EXOC4: variants seen among roughly 807,000 people sequenced by gnomAD.
The protein encoded by EXOC4 is exocyst complex component 4, also known as SEC8-like 1.
EXOC4 carries 71 observed loss-of-function variants against 107.2 expected under a neutral mutation model. That is an observed-to-expected ratio of 0.66 (90% CI 0.55 to 0.81). The LOEUF (loss-of-function observed/expected upper bound fraction) is 0.81. Ranked by LOEUF, EXOC4 falls within the 30% of genes least tolerant of loss-of-function variation. The pLI is 0.00. For synonymous variants in EXOC4, 456 were observed against 441.2 expected, an observed-to-expected ratio of 1.03 and a Z score of -0.42; for missense variants, 1,108 against 1,189.6, an observed-to-expected ratio of 0.93 and a Z score of 1.01.
intron 7 of EXOC4, among the ~76,000 whole-genome samples, chr7:133,470,577 A>G (rs866756118): frequency 5.9e-5 from 9 of 152,244 alleles, no homozygotes; most frequent in Middle Eastern, 6.8e-3. Flanking sequence ...GTGCTTTCCA[A>G]CTGTTTTGTT....
intron 7 of EXOC4, among the ~76,000 whole-genome samples, chr7:133,446,919 A>G (rs1563069371): frequency 6.6e-6 from 1 of 152,222 alleles, no homozygotes; most frequent in Non-Finnish European, 1.5e-5. Context: ...GCTTTAATCT[A>G]CAATATGCAT....
chr7:133,702,867 A>G (rs1165893709), intron 10 of EXOC4, among the ~76,000 whole-genome samples: 5 of 152,208 alleles, frequency 3.3e-5, no homozygotes, highest in South Asian at 2.1e-4. Context: ...TATTTGCACC[A>G]TGTTGTCTGT....
At chr7:133,894,424 C>G (rs975343469) in intron 11 of EXOC4, among the ~76,000 whole-genome samples, 1 of 143,838 alleles carries the variant, frequency 7.0e-6, no homozygotes, top group African/African-American at 2.7e-5. Context: ...CTTCCTCTCT[C>G]AGCTCGTCAA....
chr7:133,909,919 A>T (rs1799651548), intron 12 of EXOC4, among the ~76,000 whole-genome samples: 3 of 75,494 alleles, frequency 4.0e-5, no homozygotes, highest in African/African-American at 1.1e-4. Flanking sequence ...GTTGAGACAG[A>T]TTTTTTTTTT....
chr7:133,774,037 G>T (rs749575792), intron 10 of EXOC4, among the ~76,000 whole-genome samples: 14 of 152,082 alleles, frequency 9.2e-5, no homozygotes, highest in Non-Finnish European at 1.8e-4. Flanking sequence ...AGGATATGGT[G>T]TGTGGTACTG....
At chr7:133,558,274 G>C (rs553698845) in intron 9 of EXOC4, among the ~76,000 whole-genome samples, 2 of 91,704 alleles carry the variant, frequency 2.2e-5, no homozygotes, top group East Asian at 4.7e-4. Context: ...AGCACTTTTT[G>C]CCCTGTAATC....
rs148895377 is a variant in EXOC4, at chr7:133,689,477, C to T, written c.1514+59336C>T. Reference sequence around the variant, plus strand: ...AGCCAAGGATATGGATGTGGCTCACCGTATGGAAAATTACTAAGAAGAAAC... The same window carrying T: ...AGCCAAGGATATGGATGTGGCTCACTGTATGGAAAATTACTAAGAAGAAAC... On this transcript the variant is annotated intron_variant, in intron 10 of 17. Transcript: ENST00000253861. Among the ~76,000 whole-genome samples, 1,096 of 152,180 alleles carry T rather than the reference C, an allele frequency of 7.2e-3. 8 individuals are homozygous for T. Among genetic ancestry groups the T allele is most frequent in the African/African-American group, 0.022 (898 of 41,514 alleles).
intron 10 of EXOC4, among the ~76,000 whole-genome samples, chr7:133,704,996 AT>A (rs1272579224): frequency 6.6e-6 from 1 of 152,266 alleles, no homozygotes; most frequent in East Asian, 1.9e-4. Context: ...ATATGATTTT[AT>A]TTTCTTTCCG....
chr7:133,911,053 G>T (rs1260526368), intron 12 of EXOC4, among the ~76,000 whole-genome samples: 1 of 152,120 alleles, frequency 6.6e-6, no homozygotes, highest in East Asian at 1.9e-4. Context: ...CTCGAGGGTG[G>T]ACCTTTCTCT....
chr7:133,872,901 G>T (rs1439980306), intron 11 of EXOC4, among the ~76,000 whole-genome samples: 2 of 152,188 alleles, frequency 1.3e-5, no homozygotes. Context: ...GTCTTTGTAT[G>T]TTTTCTTTCC....
rs200499348 is a variant in EXOC4, at chr7:133,650,937, G to GTTTTTTTTTTTTTTTTT, written c.1514+20805_1514+20821dup. Among the ~76,000 whole-genome samples the GTTTTTTTTTTTTTTTTT allele has an allele frequency of 1.0e-4, 9 of 88,708 alleles. 1 individual carries two copies. The highest frequency in any genetic ancestry group is 4.8e-4 in the South Asian group (1 of 2,074). 58.2% of individuals were successfully genotyped at this position (88,708 alleles called of 152,430 possible). A position where few individuals can be genotyped will look rare whatever the true frequency, so the allele number is the denominator to read the frequency against. On this transcript the variant is annotated intron_variant, in intron 10 of 17. Coordinates refer to ENST00000253861, the MANE Select transcript of EXOC4 (RefSeq NM_021807.4). The stretch of plus-strand genomic sequence containing the variant: ...TCTTAGTACATACTGAGATTGGTCA[G>GTTTTTTTTTTTTTTTTT]TTTTTTTTTTTTTTTTTTTTTTTTT...
intron 3 of EXOC4, among the ~76,000 whole-genome samples, chr7:133,300,701 A>G (rs1376739630): frequency 2.0e-5 from 3 of 152,194 alleles, no homozygotes; most frequent in South Asian, 2.1e-4. Flanking sequence ...AGTTAAATAC[A>G]TAGAGTTCTA....
At chr7:133,842,175 G>A (rs1003805447) in intron 11 of EXOC4, among the ~76,000 whole-genome samples, 4 of 152,198 alleles carry the variant, frequency 2.6e-5, no homozygotes, top group Non-Finnish European at 5.9e-5. Flanking sequence ...ACTCAGTAAC[G>A]GGACTGCTGG....
rs1796862325 is a variant in EXOC4, at chr7:133,798,471, C to T, written c.1515-18854C>T. Among the ~76,000 whole-genome samples the T allele has an allele frequency of 4.1e-5, 6 of 146,668 alleles. No individual in the cohort carries two copies. The Admixed American group carries it at 4.1e-4, about 10-fold the overall frequency. ...AAGGAATTACTTGTTAGTAATATTA[C>T]CTGCCACATAATGAGTGCTACCATA... On this transcript the variant is annotated intron_variant, in intron 10 of 17. Transcript: ENST00000253861.
intron 11 of EXOC4, chr7:133,895,244 C>T (rs1021702858): frequency 3.9e-5 from 7 of 177,330 alleles, no homozygotes; most frequent in Non-Finnish European, 5.9e-5. Context: ...CTCCCTGACC[C>T]CTTGAGCTTC....
At chr7:133,767,406 A>G (rs866401911) in intron 10 of EXOC4, among the ~76,000 whole-genome samples, 4 of 151,818 alleles carry the variant, frequency 2.6e-5, no homozygotes, top group Admixed American at 6.6e-5. Context: ...CATCTAATTC[A>G]TAGTAGGCTC....
chr7:133,417,113 G>A (rs1437152661), intron 7 of EXOC4, among the ~76,000 whole-genome samples: 1 of 152,206 alleles, frequency 6.6e-6, no homozygotes, highest in Non-Finnish European at 1.5e-5. Context: ...GTGTGTAATA[G>A]AAGGGATTTG....
intron 9 of EXOC4, among the ~76,000 whole-genome samples, chr7:133,496,175 G>A (rs1306255328): frequency 1.3e-5 from 2 of 151,606 alleles, no homozygotes; most frequent in Non-Finnish European, 1.5e-5. Context: ...TTTGAGATGC[G>A]GTCTTGCTCT....
chr7:133,702,998 C>T (rs1184862054), intron 10 of EXOC4, among the ~76,000 whole-genome samples: 3 of 152,228 alleles, frequency 2.0e-5, no homozygotes, highest in African/African-American at 7.2e-5. Flanking sequence ...ACTGAAGCCT[C>T]ATTATCAATG....
Sources: gnomAD v4.1 joint callset for allele counts (sites outside exome capture counted in the v4.1 genomes callset) on GRCh38, gnomAD v4.1.1 for gene constraint, MANE v1.5 for transcripts, NCBI Gene and HGNC (gene_info 2026-07-23, HGNC 2026-07-21) for gene names.